The following CA10 variants were observed in gnomAD, a reference collection of about 807,000 sequenced individuals.
The protein encoded by CA10 is carbonic anhydrase-related protein 10.
Under a neutral mutation model 44.2 loss-of-function variants are expected in CA10, and 14 were observed. The ratio of observed to expected loss-of-function variants is 0.32; its 90% CI spans 0.21 to 0.50. The LOEUF is 0.50. CA10 is among the 20% of genes least tolerant of loss of function. The probability of loss-of-function intolerance (pLI) is 0.99; values close to 1 mark genes in which losing one functional copy is unlikely to be tolerated. For synonymous variants in CA10, 159 were observed against 141.6 expected, an observed-to-expected ratio of 1.12 and a Z score of -0.87; for missense variants, 350 against 409.7, an observed-to-expected ratio of 0.85 and a Z score of 1.26.
At chr17:51,952,884 T>C (rs1983537248) in intron 2 of CA10, among the ~76,000 whole-genome samples, 1 of 152,096 alleles carries the variant, frequency 6.6e-6, no homozygotes, top group African/African-American at 2.4e-5. Context: ...TCATCCTATA[T>C]GAAAACCCAT....
At chr17:52,156,204 A>G (rs1040512101) in intron 1 of CA10, among the ~76,000 whole-genome samples, 2 of 152,238 alleles carry the variant, frequency 1.3e-5, no homozygotes, top group African/African-American at 4.8e-5. Context: ...AGAGTTTGAA[A>G]TAGACATGTA....
Position 51,886,208 on chromosome 17 carries a change from A to G in CA10, c.279+44782T>C, listed in dbSNP as rs1236620127. On this transcript the variant is annotated intron_variant, in intron 3 of 8. Transcript: ENST00000451037. ...AGCTGTTTTTAGAGGTATTTTGAGC[A>G]TTGTGGGTGAATGTGGCAGTGTAGT... Among the ~76,000 whole-genome samples, 3 of 152,336 alleles carry G rather than the reference A, an allele frequency of 2.0e-5. No homozygotes were observed. In the South Asian group the frequency reaches 6.2e-4, roughly 32 times the overall value.
At chr17:51,849,211 A>ATATATACATATATGTGTG in intron 3 of CA10, among the ~76,000 whole-genome samples, 1 of 48,248 alleles carries the variant, frequency 2.1e-5, no homozygotes, top group South Asian at 6.6e-4. Context: ...ATATGTATAT[A>ATATATACATATATGTGTG]TATATATACA....
intron 2 of CA10, among the ~76,000 whole-genome samples, chr17:51,974,446 A>G (rs1051416111): frequency 2.6e-5 from 4 of 151,704 alleles, no homozygotes; most frequent in Non-Finnish European, 4.4e-5. Flanking sequence ...GGACAATGCC[A>G]AAGTAATATT....
chr17:51,733,096 G>C (rs1916777818), intron 4 of CA10, among the ~76,000 whole-genome samples: 1 of 152,158 alleles, frequency 6.6e-6, no homozygotes, highest in South Asian at 2.1e-4. Flanking sequence ...CTTTACCTAA[G>C]ATGCCGTCAG....
intron 4 of CA10, among the ~76,000 whole-genome samples, chr17:51,690,131 A>C (rs905666174): frequency 2.6e-5 from 4 of 152,106 alleles, no homozygotes; most frequent in Admixed American, 6.5e-5. Flanking sequence ...TATTTTTAGT[A>C]GACATGGGGT....
chr17:51,740,689 A>G (rs780083799), intron 4 of CA10, among the ~76,000 whole-genome samples: 14 of 152,156 alleles, frequency 9.2e-5, no homozygotes, highest in Non-Finnish European at 1.9e-4. Context: ...CTCCTTCCCC[A>G]TCACTCACAC....
chr17:52,054,645 G>A (rs150084071), intron 2 of CA10, among the ~76,000 whole-genome samples: 3 of 152,032 alleles, frequency 2.0e-5, no homozygotes, highest in African/African-American at 7.2e-5. Flanking sequence ...GACATGTGAT[G>A]TCTCCCCCAG....
At chr17:51,772,638 G>C (rs1287263616) in intron 3 of CA10, among the ~76,000 whole-genome samples, 2 of 150,018 alleles carry the variant, frequency 1.3e-5, no homozygotes, top group East Asian at 4.0e-4. Context: ...TGGGAACAGA[G>C]AAGACAAGGA....
intron 4 of CA10, among the ~76,000 whole-genome samples, chr17:51,724,696 G>A (rs1408606112): frequency 2.0e-5 from 3 of 152,170 alleles, no homozygotes; most frequent in Non-Finnish European, 4.4e-5. Context: ...AGAGATGAAG[G>A]TTTGCAACTG....
At chr17:51,739,187 A>C (rs1041393082) in intron 4 of CA10, among the ~76,000 whole-genome samples, 1 of 151,788 alleles carries the variant, frequency 6.6e-6, no homozygotes, top group Admixed American at 6.6e-5. Flanking sequence ...CTTATTTAAC[A>C]CCTCTTTTTC....
At chr17:52,115,589 TG>T (rs60535489) in intron 1 of CA10, among the ~76,000 whole-genome samples, 152,234 of 152,236 alleles carry the variant, frequency 1, 76,116 homozygotes, top group Non-Finnish European at 1. Context: ...TTTTACATAT[TG>T]GGGGGTGTTC....
chr17:52,085,376 G>T (rs777417350), intron 1 of CA10, among the ~76,000 whole-genome samples: 1 of 152,146 alleles, frequency 6.6e-6, no homozygotes, highest in African/African-American at 2.4e-5. Flanking sequence ...GCAGCACTGT[G>T]TCCATGTCGT....
At chr17:51,922,361 A>G (rs1158906724) in intron 3 of CA10, among the ~76,000 whole-genome samples, 1 of 152,194 alleles carries the variant, frequency 6.6e-6, no homozygotes, top group Non-Finnish European at 1.5e-5. Flanking sequence ...CAGTTCTCAC[A>G]TCTGGTCATC....
At chr17:51,866,375 C>A (rs1260736746) in intron 3 of CA10, among the ~76,000 whole-genome samples, 2 of 152,230 alleles carry the variant, frequency 1.3e-5, no homozygotes, top group Non-Finnish European at 2.9e-5. Flanking sequence ...TCCCCCTAAA[C>A]CTCCTTGCCA....
chr17:51,789,348 T>A (rs964184923), intron 3 of CA10, among the ~76,000 whole-genome samples: 5 of 152,220 alleles, frequency 3.3e-5, no homozygotes, highest in Non-Finnish European at 5.9e-5. Context: ...GACATTTACA[T>A]CATGGTAATG....
chr17:52,143,860 C>A (rs1020216654), intron 1 of CA10, among the ~76,000 whole-genome samples: 4 of 152,150 alleles, frequency 2.6e-5, no homozygotes, highest in Non-Finnish European at 4.4e-5. Context: ...AAAGCAGGCT[C>A]CCTAGAGACA....
chr17:51,758,087 G>T (rs916045368), intron 3 of CA10, among the ~76,000 whole-genome samples: 1 of 151,966 alleles, frequency 6.6e-6, no homozygotes, highest in Non-Finnish European at 1.5e-5. Context: ...AAAATAGTGG[G>T]TTTTTTTCCC....
intron 2 of CA10, among the ~76,000 whole-genome samples, chr17:51,965,400 C>T (rs1253847305): frequency 6.6e-6 from 1 of 151,650 alleles, no homozygotes; most frequent in African/African-American, 2.4e-5. Flanking sequence ...CAGCCTAATA[C>T]TAAAACCTGG....
Sources: gnomAD v4.1 joint callset for allele counts (sites outside exome capture counted in the v4.1 genomes callset) on GRCh38, gnomAD v4.1.1 for gene constraint, MANE v1.5 for transcripts, NCBI Gene and HGNC (gene_info 2026-07-23, HGNC 2026-07-21) for gene names.